MYO5A: variants seen among roughly 807,000 people sequenced by gnomAD.
MYO5A encodes the protein myosin VA, also known as unconventional myosin-Va.
MYO5A carries 98 observed loss-of-function variants against 249.7 expected under a neutral mutation model. That is an observed-to-expected ratio of 0.39 (90% CI 0.33 to 0.46). The LOEUF is 0.46. Among genes scored for constraint, MYO5A ranks in the 20% least tolerant of loss-of-function variants. The pLI, the probability that MYO5A is intolerant of heterozygous loss-of-function variation, is 0.98. For missense variants in MYO5A, 1,696 were observed against 2,308.8 expected, an observed-to-expected ratio of 0.73 and a Z score of 5.44; for synonymous variants, 778 against 810.6, an observed-to-expected ratio of 0.96 and a Z score of 0.68.
At position 52,330,477 on chromosome 15, in the gene MYO5A, G is replaced by C. The variant is rs778542142; in HGVS notation, c.4431C>G (p.Ser1477=). The change falls in exon 35 of 42, where the codon TCC becomes TCG. Residue 1477 remains serine, a synonymous_variant. Transcript: ENST00000399233. The part of the protein sequence containing the change: ...ELEVGQMENI[S]PGQIIDEPIR... ...TGGGTTCATCAATGATCTGTCCTGG[G>C]GATATGTTCTCCATCTGGCCCACTT... is the stretch of plus-strand genomic sequence containing the variant. 1 of 1,613,982 alleles carries C rather than the reference G, an allele frequency of 6.2e-7. No individual in the cohort carries two copies. Among genetic ancestry groups the C allele is most frequent in the South Asian group, 1.1e-5 (1 of 91,070 alleles).
chr15:52,345,385 G>A (rs1006367885), intron 30 of MYO5A, among the ~76,000 whole-genome samples: 2 of 151,866 alleles, frequency 1.3e-5, no homozygotes, highest in African/African-American at 2.4e-5. Flanking sequence ...AGCTCGGGAC[G>A]ACCCTGGCCA....
In MYO5A at chr15:52,404,098, T is replaced by C. The variant is rs146048950; in HGVS notation, c.1053+1189A>G. Among the ~76,000 whole-genome samples, 79 of 152,048 alleles carry C rather than the reference T, an allele frequency of 5.2e-4. 2 individuals carry two copies. The highest frequency in any genetic ancestry group is 7.9e-4 in the Non-Finnish European group (54 of 67,970). ...CTGGCCAACATGGCAAAACCCCATC[T>C]CTACTAAAAATAAAAAATTAGCTGG... On this transcript the variant is annotated intron_variant, in intron 9 of 41. Transcript: ENST00000399233.
At chr15:52,453,893 T>G (rs2076068782) in intron 1 of MYO5A, among the ~76,000 whole-genome samples, 1 of 151,906 alleles carries the variant, frequency 6.6e-6, no homozygotes, top group South Asian at 2.1e-4. Context: ...TGCAACAAAT[T>G]AAAACATACT....
chr15:52,336,214 A>G (rs1044458578), intron 34 of MYO5A, among the ~76,000 whole-genome samples: 5 of 152,264 alleles, frequency 3.3e-5, no homozygotes, highest in Non-Finnish European at 7.3e-5. Flanking sequence ...TGTCTGGCAT[A>G]TAGAAGATAT....
intron 1 of MYO5A, among the ~76,000 whole-genome samples, chr15:52,507,274 A>G (rs181878227): frequency 9.5e-4 from 144 of 152,368 alleles, no homozygotes; most frequent in Admixed American, 5.1e-3. Context: ...AACTGGGTGC[A>G]GTACCTTTAA....
In MYO5A at chr15:52,330,470, G is replaced by A; in HGVS notation, c.4438C>T (p.Gln1480Ter). 6.2e-7 allele frequency: 1 copy of A among 1,613,994 alleles called. No homozygotes were observed. Among genetic ancestry groups the A allele is most frequent in the South Asian group, 1.1e-5 (1 of 91,082 alleles). ...GGTCGGATGGGTTCATCAATGATCT[G>A]TCCTGGGGATATGTTCTCCATCTGG... is the stretch of plus-strand genomic sequence containing the variant. ...VGQMENISPG[Q>*]IIDEPIRPVN... The change falls in exon 35 of 42, where the codon CAG becomes TAG. Residue 1480 changes from glutamine to a stop codon, truncating the protein, a stop_gained. Coordinates refer to ENST00000399233, the MANE Select transcript of MYO5A (RefSeq NM_001382347.1). LOFTEE classifies it high-confidence loss of function.
intron 21 of MYO5A, among the ~76,000 whole-genome samples, chr15:52,371,886 A>AATT (rs1160798325): frequency 7.1e-5 from 3 of 42,350 alleles, no homozygotes; most frequent in Admixed American, 6.3e-4. Context: ...TAGTAATAAT[A>AATT]ATAATAATAA....
intron 6 of MYO5A, among the ~76,000 whole-genome samples, chr15:52,409,883 AT>A (rs778247127): frequency 2.0e-5 from 3 of 151,612 alleles, no homozygotes; most frequent in Non-Finnish European, 2.9e-5. Flanking sequence ...GGTTGTGAAG[AT>A]TTTTTTTTAA....
chr15:52,405,607 C>T (rs567092689), intron 8 of MYO5A, among the ~76,000 whole-genome samples: 93 of 152,288 alleles, frequency 6.1e-4, no homozygotes, highest in African/African-American at 2.1e-3. Context: ...CTGACTGTGG[C>T]TGATCTGGCT....
intron 1 of MYO5A, among the ~76,000 whole-genome samples, chr15:52,496,762 T>C (rs1426771708): frequency 6.6e-6 from 1 of 152,196 alleles, no homozygotes; most frequent in African/African-American, 2.4e-5. Context: ...TGAGAAAAGT[T>C]TAAGTTCTAT....
chr15:52,373,943 C>T (rs2041265125), intron 20 of MYO5A, among the ~76,000 whole-genome samples: 1 of 130,554 alleles, frequency 7.7e-6, no homozygotes, highest in Non-Finnish European at 1.6e-5. Context: ...TGTCTAAAAT[C>T]ACTTCAAATA....
chr15:52,454,782 G>A (rs564428411), intron 1 of MYO5A, among the ~76,000 whole-genome samples: 40 of 151,954 alleles, frequency 2.6e-4, no homozygotes, highest in African/African-American at 8.4e-4. Context: ...ATACAAAAAC[G>A]GTAATACAAC....
At chr15:52,386,205 A>T (rs1041567210) in intron 14 of MYO5A, among the ~76,000 whole-genome samples, 3 of 152,042 alleles carry the variant, frequency 2.0e-5, no homozygotes, top group African/African-American at 7.2e-5. Context: ...GCTACTTGGG[A>T]GGCTGATGTG....
At chr15:52,402,568 G>C (rs185534853) in intron 9 of MYO5A, among the ~76,000 whole-genome samples, 51 of 152,322 alleles carry the variant, frequency 3.3e-4, no homozygotes, top group African/African-American at 1.2e-3. Flanking sequence ...TTTAAGGCCA[G>C]GCGCAGTGGC....
Position 52,397,413 on chromosome 15 carries a change from C to T in MYO5A, c.1107G>A (p.Glu369=), listed in dbSNP as rs1358300977. ...IFCELMGVDY[E]EMCHWLCHRK... is the part of the protein sequence containing the mutation. Reference sequence around the variant, plus strand: ...GATGGCAGAGCCAGTGACACATCTCCTCATAGTCCACACCCATGAGTTCAC... The same window carrying T: ...GATGGCAGAGCCAGTGACACATCTCTTCATAGTCCACACCCATGAGTTCAC... Residue 369 remains glutamate (E), a synonymous_variant, in exon 10 of 42, where the codon GAG becomes GAA. Transcript: ENST00000399233. The T allele has an allele frequency of 6.2e-7, 1 of 1,613,950 alleles. No individual in the cohort carries two copies. Among genetic ancestry groups the T allele is most frequent in the Non-Finnish European group, 8.5e-7 (1 of 1,179,946 alleles).
chr15:52,418,784 G>C (rs2043644661), intron 4 of MYO5A, among the ~76,000 whole-genome samples: 2 of 151,946 alleles, frequency 1.3e-5, no homozygotes, highest in South Asian at 4.2e-4. Context: ...GGGTGGGGGA[G>C]GGTGTCTGTT....
At chr15:52,488,203 GA>G (rs2076864214) in intron 1 of MYO5A, among the ~76,000 whole-genome samples, 1 of 95,616 alleles carries the variant, frequency 1.0e-5, no homozygotes, top group Non-Finnish European at 2.6e-5. Flanking sequence ...GACAGAGAAG[GA>G]TTAAAAAAAA....
At chr15:52,343,056 T>A in intron 31 of MYO5A, 61 bp downstream of exon 31, 1 of 1,361,660 alleles carries the variant, frequency 7.3e-7, no homozygotes, top group Non-Finnish European at 1.1e-6. Context: ...AGTCAGGAGG[T>A]CACTGTTAGT....
chr15:52,486,380 T>C (rs2076821210), intron 1 of MYO5A, among the ~76,000 whole-genome samples: 1 of 152,240 alleles, frequency 6.6e-6, no homozygotes, highest in South Asian at 2.1e-4. Flanking sequence ...TCTAGTTAAG[T>C]GGTGGAGCCA....
Sources: allele counts gnomAD v4.1 joint callset (sites outside exome capture counted in the v4.1 genomes callset), GRCh38; gene constraint gnomAD v4.1.1; transcripts MANE v1.5; gene names NCBI Gene and HGNC (gene_info 2026-07-23, HGNC 2026-07-21).